NAALADL2: variants seen among roughly 807,000 people sequenced by gnomAD.
The protein encoded by NAALADL2 is N-acetylated alpha-linked acidic dipeptidase like 2.
A neutral mutation model predicts 87.2 loss-of-function variants in NAALADL2; 76 were observed. That is an observed-to-expected ratio of 0.87 (90% CI 0.72 to 1.05). The LOEUF is 1.05. Ranked by LOEUF, NAALADL2 falls within the 50% of genes least tolerant of loss-of-function variation. The probability of loss-of-function intolerance (pLI) is 0.00; values close to 1 mark genes in which losing one functional copy is unlikely to be tolerated. For synonymous variants in NAALADL2, 354 were observed against 331.0 expected (o/e 1.07, Z -0.75); for missense variants, 1,089 against 945.8 (o/e 1.15, Z -1.99).
chr3:175,731,393 T>C (rs547898840), intron 11 of NAALADL2, among the ~76,000 whole-genome samples: 19 of 152,348 alleles, frequency 1.2e-4, no homozygotes, highest in African/African-American at 4.1e-4. Context: ...CTGTTAACTG[T>C]TCTCAGTGAA....
intron 1 of NAALADL2, among the ~76,000 whole-genome samples, chr3:174,463,151 C>T (rs752760684): frequency 4.6e-5 from 7 of 152,166 alleles, no homozygotes; most frequent in Non-Finnish European, 7.4e-5. Context: ...GGGAGGTTTG[C>T]AGATTTTGTG....
intron 5 of NAALADL2, among the ~76,000 whole-genome samples, chr3:175,335,219 A>G (rs933726959): frequency 5.3e-5 from 8 of 152,250 alleles, no homozygotes; most frequent in African/African-American, 1.9e-4. Context: ...ATTAATTTAA[A>G]TGAAATAAAA....
intron 2 of NAALADL2, among the ~76,000 whole-genome samples, chr3:174,604,903 G>A (rs1718839640): frequency 2.0e-5 from 3 of 151,596 alleles, no homozygotes; most frequent in Admixed American, 2.0e-4. Context: ...CTAGTAGCTG[G>A]GATTACAGGC....
intron 5 of NAALADL2, among the ~76,000 whole-genome samples, chr3:175,362,857 T>G (rs1348855936): frequency 6.8e-6 from 1 of 147,922 alleles, no homozygotes; most frequent in Non-Finnish European, 1.5e-5. Flanking sequence ...GTTTTTTGAC[T>G]TTTTGATCAT....
At chr3:174,665,338 G>T (rs944323876) in intron 2 of NAALADL2, among the ~76,000 whole-genome samples, 1 of 152,146 alleles carries the variant, frequency 6.6e-6, no homozygotes. Flanking sequence ...TCTGGGCCTG[G>T]CTCTGTGTCA....
chr3:174,735,839 C>G (rs764184526), intron 2 of NAALADL2, among the ~76,000 whole-genome samples: 1 of 152,186 alleles, frequency 6.6e-6, no homozygotes, highest in African/African-American at 2.4e-5. Flanking sequence ...GAGTTTTGCT[C>G]AGGTCCACTG....
chr3:175,645,788 A>G, intron 11 of NAALADL2, among the ~76,000 whole-genome samples: 1 of 152,266 alleles, frequency 6.6e-6, no homozygotes, highest in East Asian at 1.9e-4. Flanking sequence ...ATAGAAAGCA[A>G]GTTTCCAAGA....
chr3:174,972,383 C>T (rs1442495614), intron 1 of NAALADL2, among the ~76,000 whole-genome samples: 2 of 152,150 alleles, frequency 1.3e-5, no homozygotes, highest in Non-Finnish European at 2.9e-5. Flanking sequence ...GTTCTGAAGG[C>T]TAAAAGTCCA....
chr3:175,313,065 A>G (rs1046368399), intron 4 of NAALADL2, among the ~76,000 whole-genome samples: 3 of 152,126 alleles, frequency 2.0e-5, no homozygotes, highest in African/African-American at 7.2e-5. Context: ...GGTTTCTCCT[A>G]AGGCCTTTCT....
intron 1 of NAALADL2, among the ~76,000 whole-genome samples, chr3:174,515,617 A>G (rs1188203989): frequency 7.9e-5 from 12 of 151,864 alleles, no homozygotes; most frequent in Admixed American, 7.2e-4. Flanking sequence ...ATCAAGTTTT[A>G]TAGAACAAAT....
chr3:175,126,922 A>T (rs1392696125), intron 2 of NAALADL2, among the ~76,000 whole-genome samples: 1 of 143,582 alleles, frequency 7.0e-6, no homozygotes, highest in South Asian at 2.2e-4. Flanking sequence ...TGTTGGTCTT[A>T]TTAAAGTGTC....
intron 1 of NAALADL2, among the ~76,000 whole-genome samples, chr3:174,986,661 G>A (rs893050632): frequency 2.0e-5 from 3 of 152,040 alleles, no homozygotes; most frequent in Non-Finnish European, 2.9e-5. Context: ...AGTTTTCTGA[G>A]CTAGATGTAT....
intron 1 of NAALADL2, among the ~76,000 whole-genome samples, chr3:174,530,785 G>T (rs1170800243): frequency 6.6e-6 from 1 of 152,186 alleles, no homozygotes; most frequent in African/African-American, 2.4e-5. Context: ...GGGAATTCAA[G>T]TTGAGATATG....
At chr3:175,068,040 G>A (rs560941415) in intron 1 of NAALADL2, among the ~76,000 whole-genome samples, 18 of 152,114 alleles carry the variant, frequency 1.2e-4, no homozygotes, top group African/African-American at 3.1e-4. Context: ...TAAACATTGC[G>A]TACTCCTGGA....
chr3:175,282,579 C>T (rs1003229546), intron 4 of NAALADL2, among the ~76,000 whole-genome samples: 1 of 152,046 alleles, frequency 6.6e-6, no homozygotes, highest in Non-Finnish European at 1.5e-5. Context: ...ACCTATCTAC[C>T]TGTCACCTGC....
At chr3:175,107,847 A>G (rs565742136) in intron 2 of NAALADL2, among the ~76,000 whole-genome samples, 100 of 152,018 alleles carry the variant, frequency 6.6e-4, no homozygotes, top group African/African-American at 2.3e-3. Flanking sequence ...ATATATTACT[A>G]AAAATGCTTA....
At chr3:175,672,292 A>T (rs1372236177) in intron 11 of NAALADL2, among the ~76,000 whole-genome samples, 1 of 152,174 alleles carries the variant, frequency 6.6e-6, no homozygotes, top group Non-Finnish European at 1.5e-5. Flanking sequence ...CATAAGTGCC[A>T]GATAATGAGC....
chr3:175,097,330 C>T (rs1457875736), intron 2 of NAALADL2, 39 bp downstream of exon 2: 5 of 1,563,366 alleles, frequency 3.2e-6, no homozygotes. Flanking sequence ...GAATGCATTT[C>T]TTGGGAAAAA....
chr3:175,028,729 T>G (rs1421838938), intron 1 of NAALADL2, among the ~76,000 whole-genome samples: 1 of 151,960 alleles, frequency 6.6e-6, no homozygotes, highest in Non-Finnish European at 1.5e-5. Context: ...AAAAGATATA[T>G]TTCAGGATCT....
Sources: gnomAD v4.1 joint callset for allele counts (sites outside exome capture counted in the v4.1 genomes callset) on GRCh38, gnomAD v4.1.1 for gene constraint, MANE v1.5 for transcripts, NCBI Gene and HGNC (gene_info 2026-07-23, HGNC 2026-07-21) for gene names.